The following LCMT1 variants were observed in gnomAD, a reference collection of about 807,000 sequenced individuals.
The protein encoded by LCMT1 is [Phosphatase 2A protein]-leucine-carboxy methyltransferase 1.
A neutral mutation model predicts 47.7 loss-of-function variants in LCMT1; 32 were observed. The observed-to-expected ratio is 0.67, with a 90% CI of 0.51 to 0.90. The LOEUF is 0.90. LCMT1 is among the 40% of genes least tolerant of loss of function. The pLI is 0.00. For missense variants in LCMT1, 375 were observed against 415.2 expected (o/e 0.90, Z 0.84); for synonymous variants, 152 against 149.7 (o/e 1.02, Z -0.11).
At chr16:25,154,317 C>T (rs975626277) in intron 5 of LCMT1, among the ~76,000 whole-genome samples, 3 of 151,382 alleles carry the variant, frequency 2.0e-5, no homozygotes, top group Non-Finnish European at 4.4e-5. Flanking sequence ...GGCTGATGCC[C>T]TATTATTTAA....
intron 4 of LCMT1, chr16:25,142,457 C>T (rs576286600): frequency 6.6e-6 from 1 of 152,224 alleles, no homozygotes; most frequent in Admixed American, 6.5e-5. Context: ...GGTTTCCATA[C>T]CTCTTTTGTG....
At chr16:25,113,649 A>G (rs2044276273) in intron 1 of LCMT1, among the ~76,000 whole-genome samples, 1 of 152,154 alleles carries the variant, frequency 6.6e-6, no homozygotes, top group South Asian at 2.1e-4. Context: ...ATTTGAGTGG[A>G]TTATACTCAG....
intron 6 of LCMT1, among the ~76,000 whole-genome samples, chr16:25,164,311 T>G (rs1328112925): frequency 6.6e-6 from 1 of 152,138 alleles, no homozygotes; most frequent in Non-Finnish European, 1.5e-5. Context: ...GTGGTGTGAG[T>G]GCACAGCAGG....
intron 4 of LCMT1, chr16:25,144,090 C>T (rs931307021): frequency 4.6e-5 from 7 of 152,252 alleles, no homozygotes; most frequent in Non-Finnish European, 1.0e-4. Flanking sequence ...CTCTGGTGGC[C>T]TTTGCAGTGA....
chr16:25,142,654 A>T (rs1960729032), intron 4 of LCMT1: 2 of 152,190 alleles, frequency 1.3e-5, no homozygotes, highest in Non-Finnish European at 2.9e-5. Flanking sequence ...AGGAGTAGGA[A>T]CAAAGTAAAG....
chr16:25,171,578 A>T (rs1280928960), intron 9 of LCMT1, among the ~76,000 whole-genome samples: 2 of 152,246 alleles, frequency 1.3e-5, no homozygotes, highest in African/African-American at 4.8e-5. Flanking sequence ...AAAACAAGCA[A>T]TGACACCTGG....
intron 9 of LCMT1, among the ~76,000 whole-genome samples, chr16:25,171,880 CATAG>C (rs1184100072): frequency 2.6e-5 from 4 of 152,148 alleles, no homozygotes; most frequent in African/African-American, 9.7e-5. Flanking sequence ...TTTATTGATA[CATAG>C]ATTTCTATTT....
At chr16:25,164,511 C>T in intron 6 of LCMT1, 87 bp from the exon 7 acceptor site, 5 of 1,558,114 alleles carry the variant, frequency 3.2e-6, no homozygotes, top group Non-Finnish European at 3.5e-6. Flanking sequence ...GCATGGACCG[C>T]CCCACCAATA....
In LCMT1 at chr16:25,155,691, T is replaced by C. The variant is rs551086264; in HGVS notation, c.466+4076T>C. 2.2e-4 allele frequency among the ~76,000 whole-genome samples: 33 copies of C among 151,218 alleles called. No individual in the cohort carries two copies. The East Asian group carries it at 6.4e-3, about 29-fold the overall frequency. On this transcript the variant is annotated intron_variant, in intron 5 of 10. Transcript: ENST00000399069. ...TTCTTTCTTTCTTTTTTTTTTTTTTTGAGACAAGGTCTCACTCTGTTGTTG... is the reference window on the plus strand; with the variant it reads ...TTCTTTCTTTCTTTTTTTTTTTTTTCGAGACAAGGTCTCACTCTGTTGTTG...
At chr16:25,166,359 T>G (rs965660546) in intron 7 of LCMT1, among the ~76,000 whole-genome samples, 16 of 152,082 alleles carry the variant, frequency 1.1e-4, no homozygotes, top group Non-Finnish European at 2.2e-4. Flanking sequence ...TATCACATCA[T>G]AAGCACTGAT....
chr16:25,168,776 G>C (rs562160132), intron 7 of LCMT1, among the ~76,000 whole-genome samples: 35 of 152,298 alleles, frequency 2.3e-4, no homozygotes, highest in African/African-American at 7.9e-4. Flanking sequence ...GTTATTTCCA[G>C]ATTCTTCCTA....
At chr16:25,143,008 T>A (rs559186623) in intron 4 of LCMT1, 1 of 152,192 alleles carries the variant, frequency 6.6e-6, no homozygotes, top group South Asian at 2.1e-4. Flanking sequence ...AAGCAAGGGG[T>A]GGTCCTCCGG....
intron 6 of LCMT1, among the ~76,000 whole-genome samples, chr16:25,163,979 A>G (rs1961513161): frequency 6.6e-6 from 1 of 152,048 alleles, no homozygotes; most frequent in South Asian, 2.1e-4. Context: ...GGTTGGGTTT[A>G]GCTGATATTC....
At chr16:25,166,231 C>G (rs985388444) in intron 7 of LCMT1, among the ~76,000 whole-genome samples, 1 of 148,664 alleles carries the variant, frequency 6.7e-6, no homozygotes, top group African/African-American at 2.5e-5. Flanking sequence ...GACTGCACCA[C>G]TACACTCCAG....
Position 25,166,306 on chromosome 16 carries a change from C to T in LCMT1, c.690+1588C>T, listed in dbSNP as rs569175891. The stretch of plus-strand genomic sequence containing the variant: ...AAAAAGAAAGAAAGAAATACCCACT[C>T]TCCAGATTATTATGGGGATTCCTGA... On this transcript the variant is annotated intron_variant, in intron 7 of 10. Coordinates refer to ENST00000399069, the MANE Select transcript of LCMT1 (RefSeq NM_016309.3). Among the ~76,000 whole-genome samples the T allele has an allele frequency of 2.0e-3, 308 of 151,722 alleles. 1 individual carries two copies. Among genetic ancestry groups the T allele is most frequent in the Middle Eastern group, 0.014 (4 of 288 alleles).
At chr16:25,147,422 C>T (rs277913) in intron 4 of LCMT1, 2 of 151,944 alleles carry the variant, frequency 1.3e-5, no homozygotes, top group African/African-American at 2.4e-5. Context: ...TGTGGAGGTC[C>T]GCTTCTTCAG....
At chr16:25,142,721 T>C (rs1960730831) in intron 4 of LCMT1, 1 of 152,194 alleles carries the variant, frequency 6.6e-6, no homozygotes, top group Non-Finnish European at 1.5e-5. Context: ...GGGAGGAGGC[T>C]GAGCAAAGCA....
Position 25,123,529 on chromosome 16 carries a change from A to ATGCCAAAT in LCMT1, c.114-4944_114-4937dup, listed in dbSNP as rs1960063406. 2.1e-5 allele frequency among the ~76,000 whole-genome samples: 3 copies of ATGCCAAAT among 145,794 alleles called. No individual in the cohort carries two copies. In the Admixed American group the frequency reaches 2.1e-4, roughly 10 times the overall value. On this transcript the variant is annotated intron_variant, in intron 1 of 10. Transcript: ENST00000399069. ...CGTGAGCCACCGCACTCAGCCTTATATGCCAAATTCTTATTTACACTTTAA... is the reference window on the plus strand; with the variant it reads ...CGTGAGCCACCGCACTCAGCCTTATATGCCAAATTGCCAAATTCTTATTTACACTTTAA...
At chr16:25,135,387 A>G (rs1225629036) in intron 3 of LCMT1, among the ~76,000 whole-genome samples, 6 of 151,988 alleles carry the variant, frequency 3.9e-5, no homozygotes, top group Non-Finnish European at 8.8e-5. Context: ...TGTTTTTGTA[A>G]ATAAAGTTTT....
Sources: gnomAD v4.1 joint callset for allele counts (sites outside exome capture counted in the v4.1 genomes callset) on GRCh38, gnomAD v4.1.1 for gene constraint, MANE v1.5 for transcripts, NCBI Gene and HGNC (gene_info 2026-07-23, HGNC 2026-07-21) for gene names.